Variants in HECW1 observed in about 807,000 individuals in gnomAD.
HECW1 encodes E3 ubiquitin-protein ligase HECW1.
A neutral mutation model predicts 182.3 loss-of-function variants in HECW1; 61 were observed. The observed-to-expected ratio is 0.33, with a 90% CI of 0.27 to 0.41. The LOEUF (loss-of-function observed/expected upper bound fraction) is 0.41, where lower values mean the gene tolerates loss of function less well. HECW1 is among the 10% of genes least tolerant of loss of function. The pLI, the probability that HECW1 is intolerant of heterozygous loss-of-function variation, is 1.00. For synonymous variants in HECW1, 859 were observed against 832.6 expected (o/e 1.03, Z -0.55); for missense variants, 1,739 against 2,108.9 (o/e 0.82, Z 3.44).
chr7:43,187,015 AT>A (rs1394985447), intron 2 of HECW1, among the ~76,000 whole-genome samples: 1 of 152,236 alleles, frequency 6.6e-6, no homozygotes, highest in African/African-American at 2.4e-5. Context: ...AGAGTGGCTT[AT>A]CTGGAAGGCT....
At chr7:43,123,692 G>C (rs1785874858) in intron 2 of HECW1, among the ~76,000 whole-genome samples, 1 of 152,146 alleles carries the variant, frequency 6.6e-6, no homozygotes, top group Non-Finnish European at 1.5e-5. Context: ...TTAGCAGGTG[G>C]ATGAGGCCAG....
At chr7:43,347,311 T>A in intron 5 of HECW1, among the ~76,000 whole-genome samples, 1 of 152,180 alleles carries the variant, frequency 6.6e-6, no homozygotes, top group East Asian at 1.9e-4. Context: ...AGTTCTTGAT[T>A]TGATTCTCTG....
chr7:43,233,434 C>T (rs1798049417), intron 2 of HECW1, among the ~76,000 whole-genome samples: 1 of 152,068 alleles, frequency 6.6e-6, no homozygotes, highest in African/African-American at 2.4e-5. Context: ...GTCTTAGACA[C>T]TCATGTGTCT....
intron 9 of HECW1, chr7:43,440,580 G>T (rs1271392238): frequency 6.6e-6 from 1 of 152,156 alleles, no homozygotes; most frequent in Non-Finnish European, 1.5e-5. Context: ...AAAAATATTT[G>T]TTAAGTGGGT....
At chr7:43,436,525 TA>T (rs2076720621) in intron 8 of HECW1, among the ~76,000 whole-genome samples, 1 of 151,912 alleles carries the variant, frequency 6.6e-6, no homozygotes, top group Admixed American at 6.6e-5. Context: ...AGTGGAAAAT[TA>T]TAGTCAAAGG....
intron 2 of HECW1, among the ~76,000 whole-genome samples, chr7:43,176,712 A>C (rs191254372): frequency 1.3e-5 from 2 of 152,344 alleles, no homozygotes; most frequent in Admixed American, 6.5e-5. Context: ...TCTTGACCCA[A>C]TCATCTCCCG....
At chr7:43,166,137 G>A (rs1791085578) in intron 2 of HECW1, among the ~76,000 whole-genome samples, 1 of 152,204 alleles carries the variant, frequency 6.6e-6, no homozygotes, top group Non-Finnish European at 1.5e-5. Context: ...AGGCTGGAGT[G>A]AAGTGGTGCT....
At chr7:43,126,785 A>G (rs1786291748) in intron 2 of HECW1, among the ~76,000 whole-genome samples, 1 of 152,132 alleles carries the variant, frequency 6.6e-6, no homozygotes, top group South Asian at 2.1e-4. Context: ...TTATTATGAT[A>G]TCTGTTATGG....
chr7:43,243,339 T>G lies in HECW1; in HGVS notation c.-31-536T>G, dbSNP rs1391190761. On this transcript the variant is annotated intron_variant, in intron 2 of 29. Coordinates refer to ENST00000395891, the MANE Select transcript of HECW1 (RefSeq NM_015052.5). This position sits in a 1 kb window ranked among gnomAD's most constrained non-coding sequence, Gnocchi z 4.0. ...CCAAGTTTATTGTGGTGACAGTCAC[T>G]CCGCAGGACAACAAGTGGAAGGGGA... 6.6e-6 allele frequency among the ~76,000 whole-genome samples: 1 copy of G among 151,966 alleles called. No homozygotes were observed.
chr7:43,553,258 T>A (rs1330157871), intron 28 of HECW1, among the ~76,000 whole-genome samples: 6 of 152,288 alleles, frequency 3.9e-5, no homozygotes, highest in African/African-American at 9.6e-5. Context: ...ATTTACAATA[T>A]CACAGAGAAA....
At chr7:43,219,639 T>C (rs753289043) in intron 2 of HECW1, among the ~76,000 whole-genome samples, 8 of 150,792 alleles carry the variant, frequency 5.3e-5, no homozygotes, top group Non-Finnish European at 8.8e-5. Context: ...ATAATTAGAA[T>C]AGAACAGAAC....
chr7:43,155,064 T>G, intron 2 of HECW1, among the ~76,000 whole-genome samples: 1 of 152,174 alleles, frequency 6.6e-6, no homozygotes, highest in East Asian at 1.9e-4. Context: ...CCTTTTGCTT[T>G]CAAGTCATGG....
chr7:43,255,472 C>A (rs1800460093), intron 3 of HECW1, among the ~76,000 whole-genome samples: 1 of 151,978 alleles, frequency 6.6e-6, no homozygotes, highest in South Asian at 2.1e-4. Context: ...GGTTGCACAC[C>A]TGTAATCCCA....
At chr7:43,348,305 G>A (rs1229281771) in intron 5 of HECW1, among the ~76,000 whole-genome samples, 2 of 152,082 alleles carry the variant, frequency 1.3e-5, no homozygotes, top group Non-Finnish European at 1.5e-5. Context: ...GTGCATAAAG[G>A]TGTTCATACT....
intron 5 of HECW1, among the ~76,000 whole-genome samples, chr7:43,326,758 C>G (rs1297346957): frequency 2.0e-5 from 3 of 152,216 alleles, no homozygotes; most frequent in African/African-American, 7.2e-5. Context: ...TGTGGGGAAA[C>G]CCTCTGCTCT....
At chr7:43,485,362 C>G (rs1051578463) in intron 17 of HECW1, among the ~76,000 whole-genome samples, 8 of 152,218 alleles carry the variant, frequency 5.3e-5, no homozygotes, top group African/African-American at 1.9e-4. Flanking sequence ...GTAACCTGCA[C>G]TTGATCACAG....
At chr7:43,364,152 T>A (rs117714835) in intron 6 of HECW1, among the ~76,000 whole-genome samples, 1 of 152,342 alleles carries the variant, frequency 6.6e-6, no homozygotes, top group East Asian at 1.9e-4. Context: ...ACGCTAAACC[T>A]ACCATTCTTT....
intron 8 of HECW1, among the ~76,000 whole-genome samples, chr7:43,415,675 G>A (rs1479536135): frequency 1.4e-5 from 2 of 144,688 alleles, no homozygotes; most frequent in East Asian, 2.0e-4. Flanking sequence ...CCAATCAGAC[G>A]TAGATTTGGT....
At chr7:43,113,475 C>G (rs1360238390) in intron 1 of HECW1, 2 of 166,398 alleles carry the variant, frequency 1.2e-5, no homozygotes, top group African/African-American at 4.8e-5. Flanking sequence ...GGGCGCGTGG[C>G]CAGGTCCGGC....
Sources: gnomAD v4.1 joint callset for allele counts (sites outside exome capture counted in the v4.1 genomes callset) on GRCh38, gnomAD v4.1.1 for gene constraint, Gnocchi (gnomAD v3.1) non-coding constraint, MANE v1.5 for transcripts, NCBI Gene and HGNC (gene_info 2026-07-23, HGNC 2026-07-21) for gene names.